Variants in SCAPER observed in about 807,000 individuals in gnomAD.
SCAPER encodes S phase cyclin A-associated protein in the endoplasmic reticulum.
A neutral mutation model predicts 182.2 loss-of-function variants in SCAPER; 98 were observed. That is an observed-to-expected ratio of 0.54 (90% CI 0.46 to 0.64). The LOEUF is 0.64. SCAPER is among the 30% of genes least tolerant of loss of function. SCAPER has a pLI of 0.00. For synonymous variants in SCAPER, 605 were observed against 564.6 expected (o/e 1.07, Z -1.01); for missense variants, 1,432 against 1,690.0 (o/e 0.85, Z 2.68).
intron 8 of SCAPER, among the ~76,000 whole-genome samples, chr15:76,778,510 A>G (rs953641267): frequency 2.0e-5 from 3 of 152,138 alleles, no homozygotes; most frequent in African/African-American, 7.2e-5. Context: ...TCAGAGACAG[A>G]AAACATAAAT....
chr15:76,577,720 G>C (rs969268809), intron 22 of SCAPER, among the ~76,000 whole-genome samples: 1 of 152,080 alleles, frequency 6.6e-6, no homozygotes, highest in Non-Finnish European at 1.5e-5. Context: ...ACTCGCCAAG[G>C]GCCTTGAGTG....
chr15:76,881,540 T>C (rs1181718721), intron 2 of SCAPER, among the ~76,000 whole-genome samples: 2 of 152,194 alleles, frequency 1.3e-5, no homozygotes, highest in Admixed American at 6.5e-5. Flanking sequence ...TAACAGAATA[T>C]TATTCAGTCT....
intron 27 of SCAPER, among the ~76,000 whole-genome samples, chr15:76,399,138 A>T (rs1281167059): frequency 6.6e-6 from 1 of 152,094 alleles, no homozygotes; most frequent in African/African-American, 2.4e-5. Context: ...CCAAAGAAAT[A>T]GGCATTTCAT....
At chr15:76,883,492 C>T (rs1355619296) in intron 2 of SCAPER, among the ~76,000 whole-genome samples, 1 of 152,088 alleles carries the variant, frequency 6.6e-6, no homozygotes, top group African/African-American at 2.4e-5. Flanking sequence ...TTGGCTAGAC[C>T]CTGGGTAGGA....
chr15:76,604,057 T>C (rs1597620748), intron 22 of SCAPER, among the ~76,000 whole-genome samples: 2 of 120,916 alleles, frequency 1.7e-5, no homozygotes, highest in South Asian at 2.5e-4. Context: ...TTTTGGCTTT[T>C]GTTGCCATTG....
intron 2 of SCAPER, among the ~76,000 whole-genome samples, chr15:76,882,796 C>G (rs1282147099): frequency 6.6e-6 from 1 of 152,154 alleles, no homozygotes; most frequent in Non-Finnish European, 1.5e-5. Flanking sequence ...TCCTGAGTAG[C>G]TGGGACTACA....
intron 23 of SCAPER, among the ~76,000 whole-genome samples, chr15:76,555,015 A>C (rs1328737908): frequency 6.6e-6 from 1 of 152,092 alleles, no homozygotes; most frequent in African/African-American, 2.4e-5. Flanking sequence ...TCCTGACCTC[A>C]AGTGATCCAT....
chr15:76,616,123 T>C (rs1294702996), intron 22 of SCAPER, among the ~76,000 whole-genome samples: 6 of 152,186 alleles, frequency 3.9e-5, no homozygotes, highest in Non-Finnish European at 7.3e-5. Flanking sequence ...CAATTCTACT[T>C]CTGGATATAT....
At chr15:76,660,586 C>T (rs2056065654) in intron 21 of SCAPER, among the ~76,000 whole-genome samples, 1 of 152,090 alleles carries the variant, frequency 6.6e-6, no homozygotes, top group South Asian at 2.1e-4. Context: ...TAGAAGAAAG[C>T]TTCCTCAATC....
intron 20 of SCAPER, among the ~76,000 whole-genome samples, chr15:76,683,140 C>G (rs890616056): frequency 2.4e-4 from 36 of 151,772 alleles, no homozygotes; most frequent in African/African-American, 8.2e-4. Flanking sequence ...AAAACCCAAC[C>G]CAAGTATCTA....
intron 22 of SCAPER, among the ~76,000 whole-genome samples, chr15:76,607,921 AT>A (rs1177001477): frequency 6.6e-6 from 1 of 151,650 alleles, no homozygotes; most frequent in Non-Finnish European, 1.5e-5. Context: ...CATTCGTCTA[AT>A]TTTTTTTCAA....
chr15:76,357,322 T>C (rs1480316978), intron 29 of SCAPER, among the ~76,000 whole-genome samples: 1 of 152,112 alleles, frequency 6.6e-6, no homozygotes, highest in Non-Finnish European at 1.5e-5. Flanking sequence ...ATATATTCTT[T>C]TTGACATACA....
At chr15:76,411,433 C>T (rs146858462) in intron 26 of SCAPER, among the ~76,000 whole-genome samples, 10 of 152,206 alleles carry the variant, frequency 6.6e-5, no homozygotes, top group South Asian at 6.2e-4. Flanking sequence ...ATCCCTTCCC[C>T]GCCCAAATCC....
intron 22 of SCAPER, among the ~76,000 whole-genome samples, chr15:76,579,063 G>A (rs1487718560): frequency 6.6e-6 from 1 of 151,660 alleles, no homozygotes; most frequent in African/African-American, 2.4e-5. Context: ...ACAGGAGATC[G>A]AGACAATCCT....
chr15:76,576,087 G>A (rs2047799034), intron 22 of SCAPER, among the ~76,000 whole-genome samples: 1 of 152,168 alleles, frequency 6.6e-6, no homozygotes, highest in African/African-American at 2.4e-5. Context: ...CCAGACCAAG[G>A]ATGGTGGTTC....
chr15:76,757,777 G>A (rs565185306), intron 14 of SCAPER, among the ~76,000 whole-genome samples: 31 of 152,198 alleles, frequency 2.0e-4, no homozygotes, highest in African/African-American at 7.5e-4. Context: ...CTTGCCTCTT[G>A]TCATTTTGAT....
intron 15 of SCAPER, among the ~76,000 whole-genome samples, chr15:76,749,578 T>C (rs1052015792): frequency 4.6e-5 from 7 of 152,004 alleles, no homozygotes; most frequent in African/African-American, 1.7e-4. Context: ...CTAGCAAGGT[T>C]GTAAAACACA....
At chr15:76,593,839 A>G (rs1229230405) in intron 22 of SCAPER, among the ~76,000 whole-genome samples, 7 of 120,926 alleles carry the variant, frequency 5.8e-5, no homozygotes, top group Admixed American at 9.4e-5. Flanking sequence ...ATCAAAGACC[A>G]AAGGTAGATA....
chr15:76,805,690 C>G (rs902174005), intron 5 of SCAPER, among the ~76,000 whole-genome samples: 5 of 151,920 alleles, frequency 3.3e-5, no homozygotes, highest in African/African-American at 4.8e-5. Flanking sequence ...GCCTCAGCCT[C>G]CCAAGTAGCT....
Sources: allele counts gnomAD v4.1 joint callset (sites outside exome capture counted in the v4.1 genomes callset), GRCh38; gene constraint gnomAD v4.1.1; transcripts MANE v1.5; gene names NCBI Gene and HGNC (gene_info 2026-07-23, HGNC 2026-07-21).